Variants in PCGF3 observed in about 807,000 individuals in gnomAD.
PCGF3 encodes polycomb group RING finger protein 3.
Under a neutral mutation model 33.1 loss-of-function variants are expected in PCGF3, and 7 were observed. The ratio of observed to expected loss-of-function variants is 0.21; its 90% CI spans 0.12 to 0.40. The LOEUF (loss-of-function observed/expected upper bound fraction) is 0.40, where lower values mean the gene tolerates loss of function less well. Ranked by LOEUF, PCGF3 falls within the 10% of genes least tolerant of loss-of-function variation. The pLI, the probability that PCGF3 is intolerant of heterozygous loss-of-function variation, is 1.00. For missense variants in PCGF3, 211 were observed against 313.3 expected, an observed-to-expected ratio of 0.67 and a Z score of 2.46; for synonymous variants, 153 against 121.3, an observed-to-expected ratio of 1.26 and a Z score of -1.72.
intron 8 of PCGF3, among the ~76,000 whole-genome samples, chr4:751,442 C>T (rs777433010): frequency 3.9e-5 from 6 of 152,060 alleles, no homozygotes; most frequent in South Asian, 2.1e-4. Flanking sequence ...ATTTGTGCTT[C>T]GCCACGTCCG....
intron 8 of PCGF3, among the ~76,000 whole-genome samples, chr4:758,219 C>G (rs993983995): frequency 4.0e-5 from 6 of 151,574 alleles, no homozygotes; most frequent in Non-Finnish European, 8.8e-5. Context: ...AGTCTGTGCC[C>G]CTCCCTGCAC....
chr4:737,911 G>A (rs1183754134), intron 6 of PCGF3, among the ~76,000 whole-genome samples: 4 of 152,212 alleles, frequency 2.6e-5, no homozygotes, highest in Non-Finnish European at 5.9e-5. Flanking sequence ...TTGGCATAGC[G>A]GGTAGCTGGT....
intron 8 of PCGF3, among the ~76,000 whole-genome samples, chr4:748,217 G>A (rs1415012395): frequency 7.1e-6 from 1 of 141,220 alleles, no homozygotes; most frequent in Non-Finnish European, 1.5e-5. Flanking sequence ...TTTTTTTTTT[G>A]AGATGGAGTT....
intron 8 of PCGF3, among the ~76,000 whole-genome samples, chr4:749,423 CA>C (rs1560212102): frequency 6.7e-6 from 1 of 149,306 alleles, no homozygotes; most frequent in East Asian, 2.0e-4. Context: ...CTCAGCCTCC[CA>C]AAGTTCTAGA....
chr4:757,002 T>G lies in PCGF3; in HGVS notation c.463-4277T>G, dbSNP rs1319959095. ...TTGTAACTTAGTGTATTTAAATAGG[T>G]AATTCGTTCAGTCCTGAGGTTAGTA... is the stretch of plus-strand genomic sequence containing the variant. On this transcript the variant is annotated intron_variant, in intron 8 of 10. Coordinates refer to ENST00000362003, the Ensembl canonical transcript of PCGF3. The G allele has an allele frequency of 2.0e-5, 3 of 152,182 alleles. No homozygotes were observed. The East Asian group carries it at 5.8e-4, about 29-fold the overall frequency. The allele number at this position is 152,182 out of a possible 1,614,324, so 9.4% of individuals were successfully genotyped here.
chr4:724,801 C>T (rs112926042), intron 1 of PCGF3, among the ~76,000 whole-genome samples: 36,087 of 149,596 alleles, frequency 0.24, 4,872 homozygotes, highest in South Asian at 0.35. Flanking sequence ...CCGTCTCACA[C>T]ACACACACAA....
At chr4:734,806 G>T in intron 4 of PCGF3, 125 bp from the exon 5 acceptor site, 1 of 1,418,246 alleles carries the variant, frequency 7.1e-7, no homozygotes, top group South Asian at 1.6e-5. Flanking sequence ...AGAGCCACAA[G>T]GAGGACAGCA....
chr4:767,559 G>A (rs1280485920), exon 11 of PCGF3: 1 of 152,064 alleles, frequency 6.6e-6, no homozygotes, highest in Non-Finnish European at 1.5e-5. Flanking sequence ...TTTTTTTCTT[G>A]AATTTCGCTG....
At chr4:717,934 T>C (rs889567316) in intron 1 of PCGF3, among the ~76,000 whole-genome samples, 6 of 152,108 alleles carry the variant, frequency 3.9e-5, no homozygotes, top group Non-Finnish European at 8.8e-5. Flanking sequence ...CACTCAGGCT[T>C]GTGTGTTCGG....
intron 6 of PCGF3, among the ~76,000 whole-genome samples, chr4:741,596 C>CG (rs1744093183): frequency 6.6e-6 from 1 of 151,998 alleles, no homozygotes; most frequent in East Asian, 1.9e-4. Context: ...TTAGTAGAGA[C>CG]GGGGGTTTCA....
chr4:731,515 C>T (rs114480470), intron 3 of PCGF3, among the ~76,000 whole-genome samples: 2,834 of 151,014 alleles, frequency 0.019, 57 homozygotes, highest in Non-Finnish European at 0.028. Context: ...TCTGTCCCCT[C>T]GTGGGTGGGC....
At chr4:760,908 G>A (rs543526279) in intron 8 of PCGF3, among the ~76,000 whole-genome samples, 1 of 152,228 alleles carries the variant, frequency 6.6e-6, no homozygotes, top group Non-Finnish European at 1.5e-5. Context: ...GTCTCCCCGA[G>A]TGCATTCGCA....
chr4:760,288 C>T (rs1359470579), intron 8 of PCGF3, among the ~76,000 whole-genome samples: 2 of 152,098 alleles, frequency 1.3e-5, no homozygotes, highest in African/African-American at 2.4e-5. Context: ...TTGGGGCTCC[C>T]GTCTTCTCCC....
rs1165471711 is a variant in PCGF3, at chr4:721,870, T to C, written c.-189-8760T>C. 7.7e-6 allele frequency among the ~76,000 whole-genome samples: 1 copy of C among 130,288 alleles called. No individual in the cohort carries two copies. Among genetic ancestry groups the C allele is most frequent in the Non-Finnish European group, 1.6e-5 (1 of 62,796 alleles). The allele number at this position is 130,288 out of a possible 152,430, so 85.5% of individuals were successfully genotyped here. A position where few individuals can be genotyped will look rare whatever the true frequency, so the allele number is the denominator to read the frequency against. On this transcript the variant is annotated intron_variant, in intron 1 of 10. Transcript: ENST00000362003. The surrounding 1 kb of genome is among the most constrained non-coding windows in gnomAD (Gnocchi z 4.1). Reference sequence around the variant, plus strand: ...GTGTGGAAAGAGGCCTGTGGGAGACTGGTGGATGGGTGGCTCTGCGTGTGG... The same window carrying C: ...GTGTGGAAAGAGGCCTGTGGGAGACCGGTGGATGGGTGGCTCTGCGTGTGG...
intron 7 of PCGF3, 83 bp downstream of exon 7, chr4:743,667 G>A: frequency 9.9e-6 from 8 of 806,086 alleles, no homozygotes; most frequent in South Asian, 9.1e-5. Flanking sequence ...CTGTCTGCCG[G>A]CCCCTCCCAC....
exon 11 of PCGF3, chr4:767,240 G>C (rs960020608): frequency 6.6e-6 from 1 of 152,076 alleles, no homozygotes; most frequent in Non-Finnish European, 1.5e-5. Flanking sequence ...AGCCTCAGTT[G>C]GTTGCACCGT....
intron 10 of PCGF3, among the ~76,000 whole-genome samples, chr4:765,426 C>T (rs1745310473): frequency 9.2e-6 from 1 of 109,054 alleles, no homozygotes; most frequent in Non-Finnish European, 2.0e-5. Context: ...GAGGGAGACT[C>T]TGTCTCAAAA....
At chr4:716,828 G>A (rs112555224) in intron 1 of PCGF3, among the ~76,000 whole-genome samples, 2 of 134,586 alleles carry the variant, frequency 1.5e-5, no homozygotes, top group Admixed American at 7.6e-5. Context: ...GTGAGAACTG[G>A]GCGTCGGTGC....
intron 10 of PCGF3, 48 bp from the exon 11 acceptor site, chr4:765,984 C>G: frequency 1.3e-6 from 2 of 1,584,660 alleles, no homozygotes; most frequent in Non-Finnish European, 1.7e-6. Context: ...AGGTCCTTCT[C>G]GCCTCCACCC....
Sources: gnomAD v4.1 joint callset for allele counts (sites outside exome capture counted in the v4.1 genomes callset) on GRCh38, gnomAD v4.1.1 for gene constraint, Gnocchi (gnomAD v3.1) non-coding constraint, MANE v1.5 for transcripts, NCBI Gene and HGNC (gene_info 2026-07-23, HGNC 2026-07-21) for gene names.